Variants in UGT3A2 observed in about 807,000 individuals in gnomAD.
UGT3A2 encodes UDP-glycosyltransferase 3A2.
Under a neutral mutation model 39.8 loss-of-function variants are expected in UGT3A2, and 32 were observed. The ratio of observed to expected loss-of-function variants is 0.80; its 90% CI spans 0.61 to 1.08. UGT3A2 has a LOEUF of 1.08. Among genes scored for constraint, UGT3A2 ranks in the 50% least tolerant of loss-of-function variants. The pLI is 0.00. For synonymous variants in UGT3A2, 241 were observed against 230.7 expected (o/e 1.04, Z -0.40); for missense variants, 611 against 637.1 (o/e 0.96, Z 0.44).
At chr5:36,047,580 C>A (rs1156574894) in intron 4 of UGT3A2, among the ~76,000 whole-genome samples, 2 of 152,170 alleles carry the variant, frequency 1.3e-5, no homozygotes, top group Non-Finnish European at 2.9e-5. Flanking sequence ...TTTAAAACAG[C>A]CTTGTCATCA....
chr5:36,052,129 T>G (rs1742363663), intron 2 of UGT3A2, 145 bp from the exon 3 acceptor site: 1 of 608,752 alleles, frequency 1.6e-6, no homozygotes, highest in Non-Finnish European at 2.8e-6. Context: ...ATGCGTTTAT[T>G]TATTTTTGAG....
At chr5:36,061,031 G>A (rs1742680368) in intron 2 of UGT3A2, among the ~76,000 whole-genome samples, 2 of 152,004 alleles carry the variant, frequency 1.3e-5, no homozygotes, top group Admixed American at 6.5e-5. Flanking sequence ...GGTGCCCCAC[G>A]CCTAATAGCA....
chr5:36,042,132 A>G (rs688946), intron 4 of UGT3A2, among the ~76,000 whole-genome samples: 58,745 of 151,646 alleles, frequency 0.39, 13,148 homozygotes, highest in Non-Finnish European at 0.5. Flanking sequence ...AATGCCTCAG[A>G]GTCTCTTAAC....
intron 2 of UGT3A2, among the ~76,000 whole-genome samples, chr5:36,061,166 T>A (rs1449413823): frequency 6.6e-6 from 1 of 151,966 alleles, no homozygotes; most frequent in Non-Finnish European, 1.5e-5. Flanking sequence ...AGGAAGACTC[T>A]GACTCAATTA....
intron 6 of UGT3A2, 76 bp from the exon 7 acceptor site, chr5:36,036,050 A>G (rs1206847372): frequency 2.0e-6 from 3 of 1,530,872 alleles, no homozygotes; most frequent in Non-Finnish European, 2.7e-6. Flanking sequence ...GTTCTATATG[A>G]TGCACCAAAG....
intron 2 of UGT3A2, among the ~76,000 whole-genome samples, chr5:36,061,153 CAG>C (rs1581019253): frequency 6.6e-6 from 1 of 151,992 alleles, no homozygotes; most frequent in Admixed American, 6.5e-5. Flanking sequence ...ACCTGGGAGA[CAG>C]AGGAAGACTC....
intron 5 of UGT3A2, among the ~76,000 whole-genome samples, chr5:36,038,400 AT>A (rs1741900235): frequency 6.6e-6 from 1 of 152,084 alleles, no homozygotes; most frequent in Non-Finnish European, 1.5e-5. Flanking sequence ...CTGTCTGCCT[AT>A]ATTGAGCCCT....
rs142510301 is a variant in UGT3A2, at chr5:36,037,926, G to C, written c.1166C>G (p.Pro389Arg). The C allele has an allele frequency of 3.2e-5, 52 of 1,614,056 alleles. No homozygotes were observed. The highest frequency in any genetic ancestry group is 4.3e-5 in the Non-Finnish European group (51 of 1,180,038). Residue 389 changes from proline (P) to arginine (R), a missense_variant, in exon 6 of 7, where the codon CCT (proline) becomes CGT (arginine). Transcript: ENST00000282507. ...IQHGVPMVGI[P>R]LFGDQPENMV... ...GTTTTCAGGCTGGTCTCCAAAGAGA[G>C]GGATCCCCACCATGGGCACACCATG...
Position 36,035,088 on chromosome 5 carries a change from A to C in UGT3A2, c.*610T>G, listed in dbSNP as rs1048728. Reference sequence around the variant, plus strand: ...GAAATCTGGAAACCTACAGTCTCCAAGCCTGCTCAGCCAAGAAGGAGCTCA... The same window carrying C: ...GAAATCTGGAAACCTACAGTCTCCACGCCTGCTCAGCCAAGAAGGAGCTCA... On this transcript the variant is annotated 3_prime_UTR_variant, in exon 7 of 7. Coordinates refer to ENST00000282507, the MANE Select transcript of UGT3A2 (RefSeq NM_174914.4). 0.016 allele frequency: 2,394 copies of C among 153,620 alleles called. 35 individuals carry two copies. Among genetic ancestry groups the C allele is most frequent in the Non-Finnish European group, 0.021 (1,443 of 68,918 alleles). 9.5% of individuals were successfully genotyped at this position (153,620 alleles called of 1,614,324 possible).
At chr5:36,058,821 A>G (rs371638988) in intron 2 of UGT3A2, among the ~76,000 whole-genome samples, 22 of 152,284 alleles carry the variant, frequency 1.4e-4, no homozygotes, top group East Asian at 7.7e-4. Context: ...GGTCTCAAGT[A>G]GTAAGAGTAA....
chr5:36,063,582 C>G (rs548733809), intron 2 of UGT3A2, among the ~76,000 whole-genome samples: 7 of 152,238 alleles, frequency 4.6e-5, no homozygotes, highest in African/African-American at 1.7e-4. Flanking sequence ...ATAAAAAGAA[C>G]AGTGATTCTT....
At chr5:36,059,877 T>C (rs572075946) in intron 2 of UGT3A2, among the ~76,000 whole-genome samples, 1 of 152,080 alleles carries the variant, frequency 6.6e-6, no homozygotes, top group Non-Finnish European at 1.5e-5. Flanking sequence ...TCACAGAAAA[T>C]GAACAAACCG....
chr5:36,039,902 T>C (rs895878171), intron 4 of UGT3A2, among the ~76,000 whole-genome samples, 194 bp from the exon 5 acceptor site: 1 of 152,178 alleles, frequency 6.6e-6, no homozygotes, highest in African/African-American at 2.4e-5. Flanking sequence ...GGAACATCTT[T>C]CTTCTTGAAA....
At chr5:36,036,721 T>C (rs1045665620) in intron 6 of UGT3A2, among the ~76,000 whole-genome samples, 9 of 152,246 alleles carry the variant, frequency 5.9e-5, no homozygotes, top group African/African-American at 2.2e-4. Flanking sequence ...ATTTAATGAC[T>C]CTTCTAAGTC....
chr5:36,048,982 G>C lies in UGT3A2; in HGVS notation c.750C>G (p.Asn250Lys). 4 of 1,614,174 alleles carry C rather than the reference G, an allele frequency of 2.5e-6. No homozygotes were observed. Among genetic ancestry groups the C allele is most frequent in the Non-Finnish European group, 3.4e-6 (4 of 1,180,032 alleles). ...GAGCAAAATCAAAGGCAAAGTCAGA[G>C]TTAATGAACCACAACTCTGCTTTCA... Reference protein sequence around the residue: ...LLLKAELWFINSDFAFDFARP... With the variant: ...LLLKAELWFIKSDFAFDFARP... The change falls in exon 4 of 7, where the codon AAC (asparagine) becomes AAG (lysine). Residue 250 changes from asparagine to lysine, a missense_variant. Coordinates refer to ENST00000282507, the MANE Select transcript of UGT3A2 (RefSeq NM_174914.4).
At chr5:36,052,841 T>C (rs1742391562) in intron 2 of UGT3A2, among the ~76,000 whole-genome samples, 1 of 152,218 alleles carries the variant, frequency 6.6e-6, no homozygotes, top group Non-Finnish European at 1.5e-5. Flanking sequence ...TGTGTAAGGA[T>C]TGGGGGTATG....
intron 4 of UGT3A2, among the ~76,000 whole-genome samples, chr5:36,041,837 C>T (rs916784240): frequency 6.6e-6 from 1 of 152,080 alleles, no homozygotes; most frequent in Non-Finnish European, 1.5e-5. Flanking sequence ...CTCTTCAATG[C>T]CCAGACATTG....
intron 6 of UGT3A2, 144 bp downstream of exon 6, chr5:36,037,653 A>G: frequency 1.2e-6 from 1 of 816,578 alleles, no homozygotes; most frequent in South Asian, 1.8e-5. Context: ...TGTTGGCATC[A>G]CACACATATT....
At chr5:36,055,065 G>C (rs990737432) in intron 2 of UGT3A2, among the ~76,000 whole-genome samples, 5 of 151,736 alleles carry the variant, frequency 3.3e-5, no homozygotes, top group Admixed American at 3.3e-4. Flanking sequence ...CTTAAACCTG[G>C]GAGGAGGAGG....
Sources: allele counts gnomAD v4.1 joint callset (sites outside exome capture counted in the v4.1 genomes callset), GRCh38; gene constraint gnomAD v4.1.1; transcripts MANE v1.5; gene names NCBI Gene and HGNC (gene_info 2026-07-23, HGNC 2026-07-21).